Variants in DNM3 observed in about 807,000 individuals in gnomAD.
The protein encoded by DNM3 is dynamin-3.
Under a neutral mutation model 101.6 loss-of-function variants are expected in DNM3, and 47 were observed. The ratio of observed to expected loss-of-function variants is 0.46; its 90% CI spans 0.37 to 0.59. The LOEUF (loss-of-function observed/expected upper bound fraction) is 0.59. Ranked by LOEUF, DNM3 falls within the 20% of genes least tolerant of loss-of-function variation. The pLI is 0.00. For missense variants in DNM3, 849 were observed against 1,085.7 expected, an observed-to-expected ratio of 0.78 and a Z score of 3.06; for synonymous variants, 385 against 387.9, an observed-to-expected ratio of 0.99 and a Z score of 0.09.
Position 171,987,653 on chromosome 1 carries a change from T to C in DNM3, c.236-3T>C, listed in dbSNP as rs1323029610. The C allele has an allele frequency of 1.3e-6, 2 of 1,558,932 alleles. No individual in the cohort carries two copies. On this transcript the variant is annotated splice_region_variant and splice_polypyrimidine_tract_variant and intron_variant, in intron 2 of 20. Transcript: ENST00000627582. ...TTGTGTCATTTTGGTTTTATTTTTG[T>C]AGAATATGCCGAGTTTCTACATTGC...
At chr1:172,314,554 G>T (rs1023826485) in intron 16 of DNM3, among the ~76,000 whole-genome samples, 21 of 152,170 alleles carry the variant, frequency 1.4e-4, no homozygotes, top group African/African-American at 4.8e-4. Context: ...CTTTTCTGAC[G>T]GGCTTAGGAA....
chr1:172,191,007 G>C (rs1466783569), intron 14 of DNM3, among the ~76,000 whole-genome samples: 1 of 152,114 alleles, frequency 6.6e-6, no homozygotes, highest in African/African-American at 2.4e-5. Context: ...CTGTGCAGAA[G>C]CTCTTTAGTT....
At chr1:172,242,360 GA>G (rs1425681828) in intron 14 of DNM3, among the ~76,000 whole-genome samples, 1 of 152,056 alleles carries the variant, frequency 6.6e-6, no homozygotes, top group African/African-American at 2.4e-5. Flanking sequence ...ATTTCTCTAG[GA>G]AAAAAGCCTC....
intron 16 of DNM3, among the ~76,000 whole-genome samples, chr1:172,317,871 C>A (rs1161323019): frequency 1.3e-5 from 2 of 152,162 alleles, no homozygotes; most frequent in Non-Finnish European, 2.9e-5. Flanking sequence ...AAGAGGGAAT[C>A]CTCCCTAACT....
At chr1:172,362,507 C>A (rs1303022817) in intron 17 of DNM3, among the ~76,000 whole-genome samples, 1 of 151,876 alleles carries the variant, frequency 6.6e-6, no homozygotes, top group Non-Finnish European at 1.5e-5. Context: ...GAGTATTTCT[C>A]CTGTACAGCA....
At chr1:171,913,221 A>G (rs1471482362) in intron 1 of DNM3, among the ~76,000 whole-genome samples, 1 of 152,204 alleles carries the variant, frequency 6.6e-6, no homozygotes, top group East Asian at 1.9e-4. Context: ...TTGTTTAGAA[A>G]TTTTGAATTT....
intron 2 of DNM3, among the ~76,000 whole-genome samples, chr1:171,934,131 T>A (rs1269859878): frequency 6.6e-6 from 1 of 152,248 alleles, no homozygotes; most frequent in African/African-American, 2.4e-5. Context: ...ATACTATGCA[T>A]ATATTACTTA....
At chr1:172,374,251 T>C (rs1223950313) in intron 17 of DNM3, among the ~76,000 whole-genome samples, 1 of 152,090 alleles carries the variant, frequency 6.6e-6, no homozygotes, top group Non-Finnish European at 1.5e-5. Context: ...ATCTTGATCA[T>C]CTACTAAGGC....
At chr1:171,948,021 A>G (rs951952136) in intron 2 of DNM3, among the ~76,000 whole-genome samples, 2 of 152,218 alleles carry the variant, frequency 1.3e-5, no homozygotes, top group Middle Eastern at 3.4e-3. Context: ...AAATTACACC[A>G]CCTATGTGGC....
At position 171,900,964 on chromosome 1, in the gene DNM3, T is replaced by A. The variant is rs1290553470; in HGVS notation, c.162-20784T>A. ...TCTACTAAAAAAAAAATAGAAAAAA[T>A]TAGCCGGGCGTGGTGGCGGGCGCCT... On this transcript the variant is annotated intron_variant, in intron 1 of 20. Coordinates refer to ENST00000627582, the MANE Select transcript of DNM3 (RefSeq NM_015569.5). Among the ~76,000 whole-genome samples the A allele has an allele frequency of 2.7e-5, 4 of 149,134 alleles. No homozygotes were observed. In the East Asian group the frequency reaches 5.9e-4, roughly 22 times the overall value.
chr1:172,311,834 G>T (rs967519930), intron 16 of DNM3, among the ~76,000 whole-genome samples: 1 of 151,918 alleles, frequency 6.6e-6, no homozygotes, highest in Admixed American at 6.6e-5. Flanking sequence ...ATGCATATTT[G>T]GTACAATTGC....
At chr1:172,110,951 C>T (rs1395439819) in intron 13 of DNM3, among the ~76,000 whole-genome samples, 2 of 152,142 alleles carry the variant, frequency 1.3e-5, no homozygotes, top group African/African-American at 4.8e-5. Flanking sequence ...TGGAAGGATC[C>T]CCTGAGCCGG....
intron 1 of DNM3, among the ~76,000 whole-genome samples, chr1:171,868,303 G>A (rs1405900571): frequency 6.6e-6 from 1 of 152,028 alleles, no homozygotes; most frequent in Non-Finnish European, 1.5e-5. Context: ...CCTCCCTGAT[G>A]AGGGTGACAA....
At chr1:172,225,392 C>G (rs1041298884) in intron 14 of DNM3, among the ~76,000 whole-genome samples, 2 of 151,960 alleles carry the variant, frequency 1.3e-5, no homozygotes, top group Admixed American at 1.3e-4. Flanking sequence ...GCCTCGGCCT[C>G]CCAAAGTGCT....
At chr1:171,956,531 G>C (rs1238595859) in intron 2 of DNM3, among the ~76,000 whole-genome samples, 3 of 152,134 alleles carry the variant, frequency 2.0e-5, no homozygotes, top group Non-Finnish European at 4.4e-5. Flanking sequence ...CCTCCTGGCT[G>C]CTTTCATGGG....
chr1:171,956,903 C>T (rs527820370), intron 2 of DNM3, among the ~76,000 whole-genome samples: 301 of 152,274 alleles, frequency 2.0e-3, no homozygotes, highest in African/African-American at 7.0e-3. Context: ...AAGCAACAGC[C>T]CAAGCCATAC....
chr1:172,080,823 C>T (rs1367313401), intron 11 of DNM3, among the ~76,000 whole-genome samples: 1 of 152,192 alleles, frequency 6.6e-6, no homozygotes, highest in Non-Finnish European at 1.5e-5. Flanking sequence ...GTATCTGGGC[C>T]AGAATGCACC....
intron 14 of DNM3, among the ~76,000 whole-genome samples, chr1:172,243,275 CT>C (rs960759320): frequency 6.6e-6 from 1 of 152,154 alleles, no homozygotes; most frequent in South Asian, 2.1e-4. Context: ...TTATAAAGTA[CT>C]TTTTTTAGTG....
chr1:172,358,628 G>GTTT (rs1382179800), intron 17 of DNM3, among the ~76,000 whole-genome samples: 4 of 152,064 alleles, frequency 2.6e-5, no homozygotes, highest in Non-Finnish European at 5.9e-5. Context: ...AAACCTGACT[G>GTTT]AAACAGCAGA....
Sources: gnomAD v4.1 joint callset for allele counts (sites outside exome capture counted in the v4.1 genomes callset) on GRCh38, gnomAD v4.1.1 for gene constraint, MANE v1.5 for transcripts, NCBI Gene and HGNC (gene_info 2026-07-23, HGNC 2026-07-21) for gene names.